RAB11FIP1: variants seen among roughly 807,000 people sequenced by gnomAD.
The protein encoded by RAB11FIP1 is RAB11 family interacting protein 1.
Under a neutral mutation model 83.1 loss-of-function variants are expected in RAB11FIP1, and 49 were observed. The ratio of observed to expected loss-of-function variants is 0.59; its 90% confidence interval spans 0.47 to 0.75. The LOEUF (loss-of-function observed/expected upper bound fraction) is 0.75. RAB11FIP1 is among the 30% of genes least tolerant of loss of function. The probability of loss-of-function intolerance (pLI) is 0.00; values close to 1 mark genes in which losing one functional copy is unlikely to be tolerated. For synonymous variants in RAB11FIP1, 670 were observed against 656.0 expected (o/e 1.02, Z -0.33); for missense variants, 1,536 against 1,598.7 (o/e 0.96, Z 0.67).
chr8:37,884,335 A>G (rs1806784201), intron 1 of RAB11FIP1, among the ~76,000 whole-genome samples: 2 of 151,792 alleles, frequency 1.3e-5, no homozygotes, highest in Non-Finnish European at 2.9e-5. Flanking sequence ...AGTGCTGGGA[A>G]TACAGGCGTG....
intron 1 of RAB11FIP1, among the ~76,000 whole-genome samples, chr8:37,894,509 TCA>T (rs920301184): frequency 2.0e-5 from 3 of 151,960 alleles, no homozygotes; most frequent in African/African-American, 7.3e-5. Flanking sequence ...CCTTCATCAC[TCA>T]CACTCTCTCT....
At chr8:37,868,153 G>A (rs1414857034) in intron 5 of RAB11FIP1, among the ~76,000 whole-genome samples, 1 of 152,162 alleles carries the variant, frequency 6.6e-6, no homozygotes, top group Non-Finnish European at 1.5e-5. Context: ...TGGGCGCGGT[G>A]GCTCACGCCT....
chr8:37,896,688 A>T (rs1807097323), intron 1 of RAB11FIP1, among the ~76,000 whole-genome samples: 1 of 152,238 alleles, frequency 6.6e-6, no homozygotes, highest in Non-Finnish European at 1.5e-5. Context: ...CTCACAAAGC[A>T]GTTGCCAACC....
intron 2 of RAB11FIP1, among the ~76,000 whole-genome samples, chr8:37,876,568 A>T (rs909895948): frequency 1.3e-5 from 2 of 150,694 alleles, no homozygotes; most frequent in Non-Finnish European, 3.0e-5. Context: ...ACTGCACTCC[A>T]GCGTGGGCAA....
In RAB11FIP1 at chr8:37,899,482, G is replaced by T. The variant is rs1231009018; in HGVS notation, c.-41C>A. ...CCAGAAGCGAGGAGAAGATCGCCGCGACTGGCGGCCTCCACGGCCCGCCCC... is the reference window on the plus strand; with the variant it reads ...CCAGAAGCGAGGAGAAGATCGCCGCTACTGGCGGCCTCCACGGCCCGCCCC... On this transcript the variant is annotated 5_prime_UTR_variant, in exon 1 of 6. Coordinates refer to ENST00000330843, the MANE Select transcript of RAB11FIP1 (RefSeq NM_001002814.3). The surrounding 1 kb of genome is among the most constrained non-coding windows in gnomAD (Gnocchi z 4.5). 2 of 1,484,818 alleles carry T rather than the reference G, an allele frequency of 1.3e-6. No individual in the cohort carries two copies. The highest frequency in any genetic ancestry group is 2.4e-5 in the Admixed American group (1 of 41,614). The allele number at this position is 1,484,818 out of a possible 1,614,324, so 92.0% of individuals were successfully genotyped here.
At position 37,872,111 on chromosome 8, in the gene RAB11FIP1, GA is replaced by G. The variant is rs1196279499; in HGVS notation, c.2690del (p.Val897AlafsTer3). ...TCGCTGAGCTTGCTTCACTCATGGG[GA>G]CTTCGGAGAAACTCTCCTCCTGGGA... ...LPSQEESFSE[V>X]PMSEASSAKD... On this transcript the variant is annotated frameshift_variant, in exon 4 of 6. Transcript: ENST00000330843. LOFTEE classifies it high-confidence loss of function. The G allele has an allele frequency of 1.2e-6, 2 of 1,613,940 alleles. No individual in the cohort carries two copies. Among genetic ancestry groups the G allele is most frequent in the Non-Finnish European group, 1.7e-6 (2 of 1,180,020 alleles).
At position 37,870,391 on chromosome 8, in the gene RAB11FIP1, C is replaced by T. The variant is rs377051797; in HGVS notation, c.3633+29G>A. The T allele has an allele frequency of 3.9e-3, 5,261 of 1,334,836 alleles. 16 individuals are homozygous for T. The highest frequency in any genetic ancestry group is 5.1e-3 in the Non-Finnish European group (4,724 of 927,256). The allele number at this position is 1,334,836 out of a possible 1,614,324, so 82.7% of individuals were successfully genotyped here. ...AAACGGGTGTTCTGTCAATCCCTAA[C>T]GAACACACCAGCTTCTCAGAGGACA... On this transcript the variant is annotated intron_variant, in intron 5 of 5. Coordinates refer to ENST00000330843, the MANE Select transcript of RAB11FIP1 (RefSeq NM_001002814.3).
chr8:37,895,479 C>G (rs1807066940), intron 1 of RAB11FIP1, among the ~76,000 whole-genome samples: 1 of 149,430 alleles, frequency 6.7e-6, no homozygotes, highest in African/African-American at 2.5e-5. Context: ...CAGAGAATCC[C>G]TCATATTGGT....
intron 4 of RAB11FIP1, 132 bp from the exon 5 acceptor site, chr8:37,870,660 C>T: frequency 1.7e-6 from 1 of 571,588 alleles, no homozygotes; most frequent in Non-Finnish European, 3.1e-6. Context: ...ATCTCTGGGC[C>T]AAAGCACTCC....
chr8:37,872,800 C>T lies in RAB11FIP1; in HGVS notation c.2002G>A (p.Glu668Lys). ...QPSFPANKGT[E>K]DSLMGRTRET... ...CGGGTCCTGCCCATCAGAGAATCTT[C>T]TGTCCCTTTATTTGCTGGAAAGGAT... The change falls in exon 4 of 6, where the codon GAA becomes AAA. Residue 668 changes from glutamate (E) to lysine (K), a missense_variant. Glu to Lys is a moderately conservative substitution (Grantham distance 56, BLOSUM62 1). Coordinates refer to ENST00000330843, the MANE Select transcript of RAB11FIP1 (RefSeq NM_001002814.3). 2 of 1,614,240 alleles carry T rather than the reference C, an allele frequency of 1.2e-6. No individual in the cohort carries two copies. The highest frequency in any genetic ancestry group is 1.7e-6 in the Non-Finnish European group (2 of 1,180,050).
chr8:37,890,947 C>T (rs904798848), intron 1 of RAB11FIP1, among the ~76,000 whole-genome samples: 4 of 152,166 alleles, frequency 2.6e-5, no homozygotes, highest in African/African-American at 7.2e-5. Flanking sequence ...CAATCTACTG[C>T]CTGCCCTGTG....
intron 1 of RAB11FIP1, among the ~76,000 whole-genome samples, chr8:37,881,982 T>C (rs1256306135): frequency 6.6e-6 from 1 of 152,192 alleles, no homozygotes; most frequent in Non-Finnish European, 1.5e-5. Flanking sequence ...GAAGGGTGTT[T>C]AGCTTTTGTA....
intron 1 of RAB11FIP1, among the ~76,000 whole-genome samples, chr8:37,883,491 C>T (rs191200203): frequency 1.9e-4 from 29 of 152,272 alleles, no homozygotes; most frequent in African/African-American, 6.5e-4. Context: ...CTTTTACTAG[C>T]AATATTATCC....
intron 1 of RAB11FIP1, among the ~76,000 whole-genome samples, chr8:37,892,016 C>T (rs960916278): frequency 6.6e-6 from 1 of 152,162 alleles, no homozygotes; most frequent in Non-Finnish European, 1.5e-5. Context: ...GTGTCACAGC[C>T]CAAAGCTGTC....
chr8:37,861,616 A>T lies in RAB11FIP1; in HGVS notation c.*1279T>A, dbSNP rs1273475454. 1.6e-5 allele frequency: 7 copies of T among 438,104 alleles called. No homozygotes were observed. Among genetic ancestry groups the T allele is most frequent in the East Asian group, 7.0e-5 (1 of 14,278 alleles). 27.1% of individuals were successfully genotyped at this position (438,104 alleles called of 1,614,324 possible). Reference sequence around the variant, plus strand: ...CCCAGGCTCTTTTTTTAAGAGTCTTAAAAAAACTCTTGCCCAGGCTGGAGT... The same window carrying T: ...CCCAGGCTCTTTTTTTAAGAGTCTTTAAAAAACTCTTGCCCAGGCTGGAGT... On this transcript the variant is annotated 3_prime_UTR_variant, in exon 6 of 6. Coordinates refer to ENST00000330843, the MANE Select transcript of RAB11FIP1 (RefSeq NM_001002814.3).
intron 1 of RAB11FIP1, among the ~76,000 whole-genome samples, chr8:37,888,055 A>C (rs1806867683): frequency 6.6e-6 from 1 of 152,252 alleles, no homozygotes; most frequent in Non-Finnish European, 1.5e-5. Flanking sequence ...AGGGAACAGA[A>C]ATGACTCACT....
chr8:37,895,695 T>C (rs1017457391), intron 1 of RAB11FIP1, among the ~76,000 whole-genome samples: 1 of 151,852 alleles, frequency 6.6e-6, no homozygotes, highest in Admixed American at 6.6e-5. Flanking sequence ...GTTTTAAGAG[T>C]ATATGTCATC....
intron 1 of RAB11FIP1, among the ~76,000 whole-genome samples, chr8:37,887,054 A>G (rs188298262): frequency 5.5e-4 from 84 of 152,320 alleles, no homozygotes; most frequent in Middle Eastern, 3.4e-3. Context: ...ACACAGAATT[A>G]CCCATCAGCC....
At chr8:37,869,451 G>A (rs1806404613) in intron 5 of RAB11FIP1, among the ~76,000 whole-genome samples, 1 of 151,862 alleles carries the variant, frequency 6.6e-6, no homozygotes, top group Non-Finnish European at 1.5e-5. Context: ...AATTAGCCGG[G>A]CATGGTGGCG....
Sources: gnomAD v4.1 joint callset for allele counts (sites outside exome capture counted in the v4.1 genomes callset) on GRCh38, gnomAD v4.1.1 for gene constraint, Gnocchi (gnomAD v3.1) non-coding constraint, MANE v1.5 for transcripts, NCBI Gene and HGNC (gene_info 2026-07-23, HGNC 2026-07-21) for gene names.